The following GLYR1 variants were observed in gnomAD, a reference collection of about 807,000 sequenced individuals.
The protein encoded by GLYR1 is cytokine-like nuclear factor N-PAC.
In GLYR1, 21 loss-of-function variants were observed where a neutral mutation model predicts 72.7. The observed-to-expected ratio is 0.29, with a 90% CI of 0.20 to 0.42. GLYR1 has a LOEUF of 0.42. Ranked by LOEUF, GLYR1 falls within the 10% of genes least tolerant of loss-of-function variation. The pLI, the probability that GLYR1 is intolerant of heterozygous loss-of-function variation, is 1.00. For synonymous variants in GLYR1, 392 were observed against 270.2 expected (o/e 1.45, Z -4.42); for missense variants, 594 against 712.1 (o/e 0.83, Z 1.89).
At position 4,813,779 on chromosome 16, in the gene GLYR1, G is replaced by C; in HGVS notation, c.1077C>G (p.Asp359Glu). Residue 359 changes from aspartate (D) to glutamate (E), a missense_variant, in exon 12 of 16, where the codon GAC becomes GAG. Physicochemically the swap from Asp to Glu is conservative, Grantham distance 45 (BLOSUM62 2). Transcript: ENST00000321919. ...CGGTGTCAGCGTCCACTGTTGACAT[G>C]TCCACGTAGCACTTCCCAGGGCGGA... ...QGIRPGKCYVDMSTVDADTVT... is the reference protein window; with the variant it reads ...QGIRPGKCYVEMSTVDADTVT... 6.2e-7 allele frequency: 1 copy of C among 1,612,782 alleles called. No individual in the cohort carries two copies. Among genetic ancestry groups the C allele is most frequent in the East Asian group, 2.2e-5 (1 of 44,846 alleles).
At chr16:4,812,873 TGCAAAC>T (rs1456381444) in intron 12 of GLYR1, among the ~76,000 whole-genome samples, 52 of 151,674 alleles carry the variant, frequency 3.4e-4, no homozygotes, top group African/African-American at 1.2e-3. Flanking sequence ...CTCAGCTCAC[TGCAAAC>T]TCTGCCTCCC....
chr16:4,831,435 T>G (rs1275891114), intron 5 of GLYR1, among the ~76,000 whole-genome samples: 1 of 152,122 alleles, frequency 6.6e-6, no homozygotes, highest in Non-Finnish European at 1.5e-5. Context: ...AGGGACAAGC[T>G]TCCTTTTTCT....
chr16:4,842,777 G>C (rs1475778934), intron 3 of GLYR1, among the ~76,000 whole-genome samples: 2 of 152,080 alleles, frequency 1.3e-5, no homozygotes, highest in Non-Finnish European at 2.9e-5. Context: ...TCAGCTCACT[G>C]CAACCTCCGC....
rs867790390 is a variant in GLYR1, at chr16:4,837,940, T to G, written c.156-5028A>C. Among the ~76,000 whole-genome samples, 143 of 112,392 alleles carry G rather than the reference T, an allele frequency of 1.3e-3. 1 individual carries two copies. The highest frequency in any genetic ancestry group is 5.7e-3 in the African/African-American group (129 of 22,822). The allele number at this position is 112,392 out of a possible 152,430, so 73.7% of individuals were successfully genotyped here. On this transcript the variant is annotated intron_variant, in intron 3 of 15. Coordinates refer to ENST00000321919, the MANE Select transcript of GLYR1 (RefSeq NM_032569.4). ...GCGAGACTCCATCTCAAAAAATAAA[T>G]AAATAAATAAATAAATAAATAAATA...
chr16:4,823,335 G>T (rs762358014), intron 6 of GLYR1, among the ~76,000 whole-genome samples: 2 of 152,196 alleles, frequency 1.3e-5, no homozygotes, highest in African/African-American at 2.4e-5. Flanking sequence ...AGCCCTTGGC[G>T]ATCTCATCTT....
At chr16:4,807,687 C>T (rs2083071442) in intron 15 of GLYR1, among the ~76,000 whole-genome samples, 1 of 152,326 alleles carries the variant, frequency 6.6e-6, no homozygotes, top group Non-Finnish European at 1.5e-5. Context: ...ATCCTGTAGT[C>T]AGGGTGGAGG....
intron 3 of GLYR1, among the ~76,000 whole-genome samples, chr16:4,838,167 AAC>A (rs2085287264): frequency 1.3e-5 from 2 of 152,154 alleles, no homozygotes; most frequent in South Asian, 2.1e-4. Context: ...ACCAGAAAAA[AAC>A]ACACACAAAT....
In GLYR1 at chr16:4,805,178, T is replaced by C; in HGVS notation, c.*58A>G. ...ATGAACTCCCAGGCCCCCGACCCCA[T>C]GTGAGGAAGAGGGGGTCAGAGGGGG... is the stretch of plus-strand genomic sequence containing the variant. On this transcript the variant is annotated 3_prime_UTR_variant, in exon 16 of 16. Coordinates refer to ENST00000321919, the MANE Select transcript of GLYR1 (RefSeq NM_032569.4). 3 of 1,407,958 alleles carry C rather than the reference T, an allele frequency of 2.1e-6. No homozygotes were observed. Among genetic ancestry groups the C allele is most frequent in the Middle Eastern group, 1.8e-4 (1 of 5,660 alleles). 87.2% of individuals were successfully genotyped at this position (1,407,958 alleles called of 1,614,324 possible). A position where few individuals can be genotyped will look rare whatever the true frequency, so the allele number is the denominator to read the frequency against.
intron 9 of GLYR1, among the ~76,000 whole-genome samples, chr16:4,819,263 T>C (rs2083856700): frequency 6.6e-6 from 1 of 152,170 alleles, no homozygotes; most frequent in Admixed American, 6.5e-5. Context: ...TCCTCTCACC[T>C]CAGCCTCCCA....
In GLYR1 at chr16:4,832,990, G is replaced by A. The variant is rs74003511; in HGVS notation, c.156-78C>T. On this transcript the variant is annotated intron_variant, in intron 3 of 15. Transcript: ENST00000321919. Reference sequence around the variant, plus strand: ...AGTATCAACAACCTCACTATGGCACGGTGTAAATATCCATTTGGTTTAACT... The same window carrying A: ...AGTATCAACAACCTCACTATGGCACAGTGTAAATATCCATTTGGTTTAACT... 2,297 of 1,348,574 alleles carry A rather than the reference G, an allele frequency of 1.7e-3. 19 individuals carry two copies. The African/African-American group carries it at 0.027, about 16-fold the overall frequency. The allele number at this position is 1,348,574 out of a possible 1,614,324, so 83.5% of individuals were successfully genotyped here. A position where few individuals can be genotyped will look rare whatever the true frequency, so the allele number is the denominator to read the frequency against.
At chr16:4,819,499 C>A (rs962205075) in intron 9 of GLYR1, among the ~76,000 whole-genome samples, 1 of 151,898 alleles carries the variant, frequency 6.6e-6, no homozygotes, top group Admixed American at 6.6e-5. Context: ...TTTGTAGAGA[C>A]GGGGTCTTGC....
Position 4,832,064 on chromosome 16 carries a change from G to A in GLYR1, c.452C>T (p.Ser151Phe). The A allele has an allele frequency of 6.8e-6, 11 of 1,614,184 alleles. No homozygotes were observed. Among genetic ancestry groups the A allele is most frequent in the Non-Finnish European group, 6.8e-6 (8 of 1,180,044 alleles). Reference protein sequence around the residue: ...GEGKKRVSSGSSERGSKSPLK... With the variant: ...GEGKKRVSSGFSERGSKSPLK... ...AGGGGATTTGGAGCCTCTCTCTGAA[G>A]AGCCTGAAGACACCCTCTTCTTTCC... is the stretch of plus-strand genomic sequence containing the variant. Residue 151 changes from serine to phenylalanine, a missense_variant, in exon 5 of 16, where the codon TCT becomes TTT. Physicochemically the swap from Ser to Phe is radical, Grantham distance 155. Coordinates refer to ENST00000321919, the MANE Select transcript of GLYR1 (RefSeq NM_032569.4).
In GLYR1 at chr16:4,804,097, T is replaced by A. The variant is rs942994831; in HGVS notation, c.*1139A>T. The A allele has an allele frequency of 1.3e-5, 2 of 152,230 alleles. No individual in the cohort carries two copies. Among genetic ancestry groups the A allele is most frequent in the Non-Finnish European group, 1.5e-5 (1 of 68,090 alleles). The allele number at this position is 152,230 out of a possible 1,614,324, so 9.4% of individuals were successfully genotyped here. ...TGCTGGCTGGAGTGAAGACACTCGT[T>A]TCCGTATCAAGAGCTGAGCCTAAGA... On this transcript the variant is annotated 3_prime_UTR_variant, in exon 16 of 16. Coordinates refer to ENST00000321919, the MANE Select transcript of GLYR1 (RefSeq NM_032569.4).
intron 3 of GLYR1, among the ~76,000 whole-genome samples, chr16:4,836,534 T>C (rs534601395): frequency 1.3e-5 from 2 of 152,184 alleles, no homozygotes; most frequent in Non-Finnish European, 2.9e-5. Flanking sequence ...CACATTGTGA[T>C]AGTAAATAGC....
chr16:4,805,086 G>C lies in GLYR1; in HGVS notation c.*150C>G, dbSNP rs1567625168. 1.4e-6 allele frequency: 1 copy of C among 689,710 alleles called. No homozygotes were observed. The highest frequency in any genetic ancestry group is 2.6e-6 in the Non-Finnish European group (1 of 382,278). The allele number at this position is 689,710 out of a possible 1,614,324, so 42.7% of individuals were successfully genotyped here. A position where few individuals can be genotyped will look rare whatever the true frequency, so the allele number is the denominator to read the frequency against. On this transcript the variant is annotated 3_prime_UTR_variant, in exon 16 of 16. Coordinates refer to ENST00000321919, the MANE Select transcript of GLYR1 (RefSeq NM_032569.4). ...GGCCTCAGGGGAAGGGTGCTGCTGT[G>C]TGCTGTGCTGATGGCAAGTCTCAAA...
chr16:4,817,769 C>A, intron 9 of GLYR1, 72 bp from the exon 10 acceptor site: 1 of 942,274 alleles, frequency 1.1e-6, no homozygotes, highest in East Asian at 2.4e-5. Flanking sequence ...CCATGCAGCA[C>A]AAGGCTCGCT....
At chr16:4,841,827 G>A (rs1162051587) in intron 3 of GLYR1, among the ~76,000 whole-genome samples, 1 of 152,152 alleles carries the variant, frequency 6.6e-6, no homozygotes, top group Non-Finnish European at 1.5e-5. Flanking sequence ...CTCAGGCAGG[G>A]AGCCTCTTCC....
chr16:4,814,056 T>A (rs2083477658), intron 11 of GLYR1: 1 of 407,404 alleles, frequency 2.5e-6, no homozygotes, highest in Non-Finnish European at 4.3e-6. Flanking sequence ...TGTGCATTTC[T>A]TTTTATTTAA....
At chr16:4,838,097 C>T (rs551045191) in intron 3 of GLYR1, among the ~76,000 whole-genome samples, 151 of 151,998 alleles carry the variant, frequency 9.9e-4, no homozygotes, top group Non-Finnish European at 1.9e-3. Flanking sequence ...AAAAAAAATC[C>T]ATCCAAAGGG....
Sources: gnomAD v4.1 joint callset for allele counts (sites outside exome capture counted in the v4.1 genomes callset) on GRCh38, gnomAD v4.1.1 for gene constraint, MANE v1.5 for transcripts, NCBI Gene and HGNC (gene_info 2026-07-23, HGNC 2026-07-21) for gene names.